The following TLE1 variants were observed in gnomAD, a reference collection of about 807,000 sequenced individuals.
TLE1 encodes TLE family member 1, transcriptional corepressor.
TLE1 carries 21 observed loss-of-function variants against 89.8 expected under a neutral mutation model. The observed-to-expected ratio is 0.23, with a 90% CI of 0.17 to 0.34. TLE1 has a LOEUF of 0.34. Ranked by LOEUF, TLE1 falls within the 10% of genes least tolerant of loss-of-function variation. The pLI is 1.00. For missense variants in TLE1, 795 were observed against 1,031.2 expected, an observed-to-expected ratio of 0.77 and a Z score of 3.14; for synonymous variants, 447 against 407.6, an observed-to-expected ratio of 1.10 and a Z score of -1.16.
rs145786238 is a variant in TLE1 at position 81,618,042 on chromosome 9, C to CAAA, written c.712-1346_712-1344dup. On this transcript the variant is annotated intron_variant, in intron 9 of 19. Transcript: ENST00000376499. ...CTCCGTCTCAAAACAACAACAACAACAAAAAATTCAATGATGCGATCATCC... is the reference window on the plus strand; with the variant it reads ...CTCCGTCTCAAAACAACAACAACAACAAAAAAAAATTCAATGATGCGATCATCC... Among the ~76,000 whole-genome samples, 544 of 151,992 alleles carry CAAA rather than the reference C, an allele frequency of 3.6e-3. 4 individuals are homozygous for CAAA. Among genetic ancestry groups the CAAA allele is most frequent in the African/African-American group, 0.011 (447 of 41,410 alleles).
intron 8 of TLE1, among the ~76,000 whole-genome samples, chr9:81,623,046 T>C (rs62576163): frequency 6.6e-6 from 1 of 152,214 alleles, no homozygotes; most frequent in Non-Finnish European, 1.5e-5. Context: ...TTGTTCTTGA[T>C]ATAAGCAAAC....
chr9:81,615,363 C>G (rs962553898), intron 11 of TLE1, among the ~76,000 whole-genome samples: 3 of 150,204 alleles, frequency 2.0e-5, no homozygotes. Context: ...AAGTTTGAAC[C>G]ATTTGTCAAC....
chr9:81,613,805 G>GTGGTCATCTT, intron 11 of TLE1, among the ~76,000 whole-genome samples: 1 of 151,844 alleles, frequency 6.6e-6, no homozygotes, highest in South Asian at 2.1e-4. Flanking sequence ...TGGACTTTGG[G>GTGGTCATCTT]TCTACGCCAA....
In TLE1 at chr9:81,646,685, T is replaced by C. The variant is rs530067128; in HGVS notation, c.372+5529A>G. 7.9e-5 allele frequency among the ~76,000 whole-genome samples: 12 copies of C among 152,294 alleles called. 1 individual carries two copies. The highest frequency in any genetic ancestry group is 1.7e-4 in the African/African-American group (7 of 41,574). ...ACTAATCCTTAAACCAATCATCTCA[T>C]GCAAGAGTGGAGAGCCCTTTAGGTC... On this transcript the variant is annotated intron_variant, in intron 6 of 19. Coordinates refer to ENST00000376499, the MANE Select transcript of TLE1 (RefSeq NM_005077.5).
chr9:81,657,571 GA>G (rs1339270746), intron 4 of TLE1, among the ~76,000 whole-genome samples: 1 of 151,950 alleles, frequency 6.6e-6, no homozygotes, highest in African/African-American at 2.4e-5. Context: ...TGAATGAAAT[GA>G]ACTTGTAAAC....
chr9:81,608,542 T>C (rs962334312), intron 14 of TLE1, among the ~76,000 whole-genome samples: 3 of 152,076 alleles, frequency 2.0e-5, no homozygotes, highest in Non-Finnish European at 4.4e-5. Context: ...TAATGTGACA[T>C]GCAAGTGACG....
chr9:81,614,224 A>C (rs1341675712), intron 11 of TLE1, among the ~76,000 whole-genome samples: 1 of 152,130 alleles, frequency 6.6e-6, no homozygotes, highest in East Asian at 1.9e-4. Flanking sequence ...CCCCTTTTCA[A>C]GTCTCCTTTT....
chr9:81,624,557 G>A (rs1182031210), intron 8 of TLE1, among the ~76,000 whole-genome samples: 8 of 152,114 alleles, frequency 5.3e-5, no homozygotes, highest in Admixed American at 4.6e-4. Flanking sequence ...ATATTTAATC[G>A]AGAATCAGCT....
At chr9:81,639,532 T>C (rs2132440146) in intron 6 of TLE1, among the ~76,000 whole-genome samples, 1 of 151,570 alleles carries the variant, frequency 6.6e-6, no homozygotes, top group South Asian at 2.1e-4. Context: ...TTATACAACA[T>C]AGAACACACA....
At chr9:81,669,104 C>T (rs1831875426) in intron 4 of TLE1, among the ~76,000 whole-genome samples, 1 of 152,216 alleles carries the variant, frequency 6.6e-6, no homozygotes, top group Admixed American at 6.5e-5. Context: ...TAATGCTGCA[C>T]TCCTTCTGGA....
At chr9:81,619,760 G>A (rs1824996720) in intron 9 of TLE1, among the ~76,000 whole-genome samples, 3 of 152,194 alleles carry the variant, frequency 2.0e-5, no homozygotes, top group Non-Finnish European at 4.4e-5. Context: ...TGGCCATCTG[G>A]CTTGGTTTGG....
intron 4 of TLE1, among the ~76,000 whole-genome samples, chr9:81,666,345 C>T (rs1831460300): frequency 6.6e-6 from 1 of 152,194 alleles, no homozygotes; most frequent in Admixed American, 6.5e-5. Context: ...ACCTTTAAAC[C>T]TCTTCACATA....
intron 6 of TLE1, among the ~76,000 whole-genome samples, chr9:81,638,570 T>A (rs1318593115): frequency 6.6e-6 from 1 of 152,176 alleles, no homozygotes; most frequent in Non-Finnish European, 1.5e-5. Flanking sequence ...GAAAAAGTGA[T>A]ACTGATACTA....
intron 11 of TLE1, among the ~76,000 whole-genome samples, chr9:81,614,984 CAGG>C: frequency 1.4e-5 from 2 of 146,274 alleles, no homozygotes; most frequent in South Asian, 4.5e-4. Flanking sequence ...TGCCTGAGGT[CAGG>C]AGTTCAAGAC....
At chr9:81,687,232 G>A (rs1015913830) in intron 2 of TLE1, 102 bp downstream of exon 2, 4 of 921,074 alleles carry the variant, frequency 4.3e-6, no homozygotes, top group Non-Finnish European at 6.7e-6. Flanking sequence ...ACACGCCACC[G>A]CCTGGACGCA....
At chr9:81,674,501 A>C (rs1039545244) in intron 4 of TLE1, among the ~76,000 whole-genome samples, 1 of 152,214 alleles carries the variant, frequency 6.6e-6, no homozygotes, top group Non-Finnish European at 1.5e-5. Context: ...CCTGAGGCCA[A>C]CTGAAAATCT....
chr9:81,635,776 A>G (rs1827284584), intron 6 of TLE1, among the ~76,000 whole-genome samples: 1 of 152,196 alleles, frequency 6.6e-6, no homozygotes, highest in South Asian at 2.1e-4. Context: ...TCCCAGCCTC[A>G]AAAGTTAGAG....
intron 4 of TLE1, among the ~76,000 whole-genome samples, chr9:81,660,354 AC>A (rs1830615235): frequency 1.3e-5 from 2 of 151,952 alleles, no homozygotes; most frequent in East Asian, 1.9e-4. Context: ...AAAAAAAAAA[AC>A]AAAATCATAC....
intron 4 of TLE1, among the ~76,000 whole-genome samples, chr9:81,662,532 T>C (rs142353357): frequency 4.6e-5 from 7 of 151,536 alleles, no homozygotes; most frequent in African/African-American, 1.7e-4. Flanking sequence ...CTGTCTCTAC[T>C]AAAAATACAA....
Sources: gnomAD v4.1 joint callset for allele counts (sites outside exome capture counted in the v4.1 genomes callset) on GRCh38, gnomAD v4.1.1 for gene constraint, MANE v1.5 for transcripts, NCBI Gene and HGNC (gene_info 2026-07-23, HGNC 2026-07-21) for gene names.